ARL10: variants seen among roughly 807,000 people sequenced by gnomAD.
The protein encoded by ARL10 is ARF like GTPase 10, also known as ADP-ribosylation factor-like protein 10.
Under a neutral mutation model 26.1 loss-of-function variants are expected in ARL10, and 23 were observed. That is an observed-to-expected ratio of 0.88 (90% CI 0.63 to 1.25). ARL10 has a LOEUF of 1.25. Ranked by LOEUF, ARL10 falls within the 50% of genes most tolerant of loss-of-function variation. The pLI, the probability that ARL10 is intolerant of heterozygous loss-of-function variation, is 0.00. For missense variants in ARL10, 300 were observed against 323.6 expected, an observed-to-expected ratio of 0.93 and a Z score of 0.56; for synonymous variants, 138 against 149.1, an observed-to-expected ratio of 0.93 and a Z score of 0.54.
intron 1 of ARL10, chr5:176,388,285 T>C: frequency 6.2e-7 from 1 of 1,614,170 alleles, no homozygotes; most frequent in Non-Finnish European, 8.5e-7. Flanking sequence ...GCCAACCCCA[T>C]CTCGGCCAGG....
chr5:176,414,377 C>T, the ARL10 span, among the ~76,000 whole-genome samples: 2 of 152,094 alleles, frequency 1.3e-5, no homozygotes, highest in Non-Finnish European at 2.9e-5. Context: ...GCAAAAGACC[C>T]CATGCTTCTC....
chr5:176,410,400 A>G, the ARL10 span: 1 of 918,348 alleles, frequency 1.1e-6, no homozygotes, highest in Non-Finnish European at 1.7e-6. Flanking sequence ...CTCTGTGTAT[A>G]CCCATGTATA....
intron 1 of ARL10, among the ~76,000 whole-genome samples, chr5:176,396,042 G>A (rs1756505806): frequency 6.6e-6 from 1 of 152,284 alleles, no homozygotes; most frequent in African/African-American, 2.4e-5. Context: ...GGCTGAGGCA[G>A]GAGAATCGCT....
At chr5:176,388,575 G>T (rs753723748) in exon 2 of ARL10, 10 of 1,566,272 alleles carry the variant, frequency 6.4e-6, no homozygotes, top group South Asian at 2.2e-5. Context: ...CAAACACGCT[G>T]CCTCTGTCTC....
downstream of ARL10, chr5:176,384,305 A>C (rs374004308): frequency 3.6e-5 from 58 of 1,614,116 alleles, no homozygotes; most frequent in Non-Finnish European, 4.7e-5. Context: ...AAGCGTTTAT[A>C]GACGTTGATC....
chr5:176,408,369 TACTAA>T, the ARL10 span, among the ~76,000 whole-genome samples: 1 of 151,910 alleles, frequency 6.6e-6, no homozygotes, highest in Non-Finnish European at 1.5e-5. Context: ...ACACCATCTC[TACTAA>T]AAATACAAAA....
At chr5:176,387,074 CTCTCTTTT>C (rs1755910386) in intron 1 of ARL10, 8 of 543,342 alleles carry the variant, frequency 1.5e-5, no homozygotes, top group South Asian at 2.3e-5. Flanking sequence ...TTCTCTCTCT[CTCTCTTTT>C]TTTTTTTCTT....
At chr5:176,412,231 G>T in the ARL10 span, among the ~76,000 whole-genome samples, 1 of 151,016 alleles carries the variant, frequency 6.6e-6, no homozygotes, top group African/African-American at 2.4e-5. Flanking sequence ...CCAAGGTCCA[G>T]CTCATAAGTC....
At chr5:176,366,717 G>A in intron 2 of ARL10, 136 bp downstream of exon 2, 1 of 1,065,474 alleles carries the variant, frequency 9.4e-7, no homozygotes, top group Non-Finnish European at 1.3e-6. Flanking sequence ...CGCTCTCCGG[G>A]GCACAGGATT....
downstream of ARL10, among the ~76,000 whole-genome samples, chr5:176,383,207 A>G (rs1192470089): frequency 2.0e-5 from 3 of 152,222 alleles, no homozygotes; most frequent in African/African-American, 7.2e-5. Context: ...AAGATTTCAC[A>G]TGAAATGATC....
intron 3 of ARL10, chr5:176,369,215 A>G (rs1215550902): frequency 6.7e-7 from 1 of 1,500,872 alleles, no homozygotes; most frequent in Non-Finnish European, 8.9e-7. Flanking sequence ...TGCCTCCTAT[A>G]TGCCAGGCAT....
chr5:176,388,914 C>G, downstream of ARL10: 1 of 1,614,156 alleles, frequency 6.2e-7, no homozygotes, highest in Non-Finnish European at 8.5e-7. Context: ...TACAGGAATC[C>G]AGAGAGTTTC....
downstream of ARL10, among the ~76,000 whole-genome samples, chr5:176,391,032 A>C (rs1232572578): frequency 6.6e-6 from 1 of 152,146 alleles, no homozygotes; most frequent in African/African-American, 2.4e-5. Context: ...ACTGTTTTCA[A>C]CACCAGCTTC....
At chr5:176,392,498 G>T, downstream of ARL10, 1 of 420,654 alleles carries the variant, frequency 2.4e-6, no homozygotes, top group Non-Finnish European at 4.3e-6. The surrounding 1 kb of genome is among the most constrained non-coding windows in gnomAD (Gnocchi z 5.2). Flanking sequence ...AGTGTAAAAA[G>T]AGTCAACAAC....
chr5:176,392,557 T>C (rs1198265867), downstream of ARL10: 15 of 566,554 alleles, frequency 2.6e-5, no homozygotes, highest in Non-Finnish European at 4.1e-5. The surrounding 1 kb of genome is among the most constrained non-coding windows in gnomAD (Gnocchi z 5.2). Context: ...ACAGTCACAA[T>C]TGAGTAGACT....
chr5:176,382,710 A>G (rs1755582240), downstream of ARL10, among the ~76,000 whole-genome samples: 1 of 152,112 alleles, frequency 6.6e-6, no homozygotes, highest in Non-Finnish European at 1.5e-5. Flanking sequence ...GCAGTGGGCC[A>G]TGATCATGTC....
chr5:176,410,592 T>C, the ARL10 span, among the ~76,000 whole-genome samples: 1 of 152,112 alleles, frequency 6.6e-6, no homozygotes, highest in South Asian at 2.1e-4. Flanking sequence ...GAGGCCATGC[T>C]CAAAATCACC....
downstream of ARL10, among the ~76,000 whole-genome samples, chr5:176,382,241 A>G (rs1755571429): frequency 6.6e-6 from 1 of 152,202 alleles, no homozygotes; most frequent in Admixed American, 6.5e-5. Flanking sequence ...AGGAGCCACA[A>G]TCACCTGCTC....
chr5:176,408,830 C>T, the ARL10 span, among the ~76,000 whole-genome samples: 1 of 152,198 alleles, frequency 6.6e-6, no homozygotes, highest in Non-Finnish European at 1.5e-5. Flanking sequence ...GGGTTTTCCT[C>T]GTTTTTTGCA....
Sources: gnomAD v4.1 joint callset for allele counts (sites outside exome capture counted in the v4.1 genomes callset) on GRCh38, gnomAD v4.1.1 for gene constraint, Gnocchi (gnomAD v3.1) non-coding constraint, MANE v1.5 for transcripts, NCBI Gene and HGNC (gene_info 2026-07-23, HGNC 2026-07-21) for gene names.